CLEC4D: variants seen among roughly 807,000 people sequenced by gnomAD.
The protein encoded by CLEC4D is C-type lectin domain family 4 member D.
In CLEC4D, 21 loss-of-function variants were observed where a neutral mutation model predicts 21.1. That is an observed-to-expected ratio of 1.00 (90% confidence interval 0.71 to 1.43). The LOEUF (loss-of-function observed/expected upper bound fraction) is 1.43, where lower values mean the gene tolerates loss of function less well. CLEC4D is among the 40% of genes most tolerant of loss of function. The pLI is 0.00. For missense variants in CLEC4D, 289 were observed against 260.7 expected (o/e 1.11, Z -0.75); for synonymous variants, 85 against 83.1 (o/e 1.02, Z -0.12).
chr12:8,520,133 A>C (rs893715243), intron 4 of CLEC4D, 93 bp from the exon 5 acceptor site: 16 of 1,506,302 alleles, frequency 1.1e-5, no homozygotes, highest in Middle Eastern at 4.2e-4. Flanking sequence ...TTTGTGCTTA[A>C]CCAGTAATCT....
downstream of CLEC4D, among the ~76,000 whole-genome samples, chr12:8,522,900 C>A (rs1940477425): frequency 6.6e-6 from 1 of 152,148 alleles, no homozygotes; most frequent in South Asian, 2.1e-4. Context: ...AGCCCAGTTT[C>A]AGTTTTCTGC....
downstream of CLEC4D, among the ~76,000 whole-genome samples, chr12:8,524,864 C>T (rs1940495195): frequency 6.6e-6 from 1 of 152,138 alleles, no homozygotes; most frequent in Non-Finnish European, 1.5e-5. Context: ...CTTAATACTG[C>T]TTTAGCTGTG....
Position 8,521,248 on chromosome 12 carries a change from A to G in CLEC4D, c.625A>G (p.Ile209Val). The G allele has an allele frequency of 6.2e-7, 1 of 1,612,436 alleles. No homozygotes were observed. Among genetic ancestry groups the G allele is most frequent in the East Asian group, 2.2e-5 (1 of 44,812 alleles). Reference sequence around the variant, plus strand: ...CTTTGAAGCAAGTAGGATTTGTAAAATACCTGGAACAACATTGAACTAGAA... The same window carrying G: ...CTTTGAAGCAAGTAGGATTTGTAAAGTACCTGGAACAACATTGAACTAGAA... ...CNFEASRICK[I>V]PGTTLN The change falls in exon 6 of 6, where the codon ATA becomes GTA. Residue 209 changes from isoleucine (I) to valine (V), a missense_variant. Ile to Val is a conservative substitution (Grantham distance 29). Coordinates refer to ENST00000299665, the MANE Select transcript of CLEC4D (RefSeq NM_080387.5).
chr12:8,528,959 T>C, the CLEC4D span, among the ~76,000 whole-genome samples: 1 of 152,022 alleles, frequency 6.6e-6, no homozygotes, highest in Non-Finnish European at 1.5e-5. Flanking sequence ...TAAATATGAA[T>C]AGAAATATAA....
chr12:8,527,534 G>A, the CLEC4D span, among the ~76,000 whole-genome samples: 1 of 152,216 alleles, frequency 6.6e-6, no homozygotes, highest in Non-Finnish European at 1.5e-5. Flanking sequence ...AAGCTCTCCA[G>A]CCTCCCTGGC....
intron 4 of CLEC4D, 65 bp downstream of exon 4, chr12:8,519,225 T>G (rs1591720220): frequency 1.3e-6 from 2 of 1,567,956 alleles, no homozygotes; most frequent in East Asian, 4.6e-5. Context: ...AAAGAGGAAT[T>G]TCTCTGTCCT....
chr12:8,520,300 G>A lies in CLEC4D; in HGVS notation c.459G>A (p.Gln153=). Residue 153 remains glutamine (Q), a synonymous_variant, in exon 5 of 6, where the codon CAG becomes CAA. Coordinates refer to ENST00000299665, the MANE Select transcript of CLEC4D (RefSeq NM_080387.5). ...LGLRDENAKG[Q]WRWVDQTPFN... ...TTAGAGATGAGAATGCCAAAGGTCA[G>A]TGGCGTTGGGTGGACCAGACGCCAT... 2 of 1,614,004 alleles carry A rather than the reference G, an allele frequency of 1.2e-6. No individual in the cohort carries two copies. The highest frequency in any genetic ancestry group is 1.7e-6 in the Non-Finnish European group (2 of 1,179,900).
At chr12:8,525,352 C>T (rs189269052), downstream of CLEC4D, among the ~76,000 whole-genome samples, 669 of 152,276 alleles carry the variant, frequency 4.4e-3, 1 homozygote, top group Non-Finnish European at 7.5e-3. Flanking sequence ...TTGTAGGTCT[C>T]TAAGGACTTG....
chr12:8,528,553 T>C, the CLEC4D span, among the ~76,000 whole-genome samples: 1 of 152,210 alleles, frequency 6.6e-6, no homozygotes. Context: ...CATCACAATC[T>C]CTTCAAGACA....
At chr12:8,518,330 TCTGA>T in intron 3 of CLEC4D, 56 bp downstream of exon 3, 2 of 779,604 alleles carry the variant, frequency 2.6e-6, no homozygotes, top group Non-Finnish European at 4.5e-6. Flanking sequence ...AAATTCATAG[TCTGA>T]CTGAAGGAAT....
downstream of CLEC4D, among the ~76,000 whole-genome samples, chr12:8,524,949 G>A (rs1310233879): frequency 2.0e-5 from 3 of 151,948 alleles, 1 homozygote; most frequent in Non-Finnish European, 4.4e-5. Context: ...CCTTAATTTC[G>A]TTATTTACTC....
intron 1 of CLEC4D, among the ~76,000 whole-genome samples, chr12:8,514,390 A>G (rs1940348780): frequency 6.6e-6 from 1 of 152,118 alleles, no homozygotes; most frequent in Non-Finnish European, 1.5e-5. Flanking sequence ...AGGGACCATA[A>G]TTTAGAATTT....
the CLEC4D span, among the ~76,000 whole-genome samples, chr12:8,528,970 T>C: frequency 6.6e-6 from 1 of 152,038 alleles, no homozygotes; most frequent in Admixed American, 6.6e-5. Context: ...AGAAATATAA[T>C]CTACATATTC....
downstream of CLEC4D, among the ~76,000 whole-genome samples, chr12:8,525,774 C>T (rs1343712096): frequency 3.3e-5 from 5 of 152,156 alleles, no homozygotes; most frequent in Non-Finnish European, 5.9e-5. Flanking sequence ...GCAGTTTCTT[C>T]ATAGTGTCAT....
intron 5 of CLEC4D, 143 bp downstream of exon 5, chr12:8,520,484 T>C: frequency 7.4e-7 from 1 of 1,347,430 alleles, no homozygotes; most frequent in South Asian, 2.1e-5. Flanking sequence ...ATATGCTATG[T>C]CCCAGTTCCA....
chr12:8,527,750 G>A, the CLEC4D span, among the ~76,000 whole-genome samples: 1 of 152,340 alleles, frequency 6.6e-6, no homozygotes, highest in African/African-American at 2.4e-5. Context: ...GAGTTCAGTA[G>A]GCCTTGGCAC....
chr12:8,522,886 A>C (rs1940477292), downstream of CLEC4D, among the ~76,000 whole-genome samples: 1 of 152,136 alleles, frequency 6.6e-6, no homozygotes, highest in Admixed American at 6.5e-5. Context: ...AGGTGTAAGG[A>C]AAGAGCCCAG....
intron 4 of CLEC4D, 116 bp from the exon 5 acceptor site, chr12:8,520,110 T>G (rs1295149872): frequency 1.4e-6 from 2 of 1,439,486 alleles, no homozygotes; most frequent in Non-Finnish European, 1.8e-6. Flanking sequence ...CAGATCTATC[T>G]GATGCCAGAG....
chr12:8,521,914 A>C lies in CLEC4D; in HGVS notation c.*643A>C, dbSNP rs1940464550. On this transcript the variant is annotated 3_prime_UTR_variant, in exon 6 of 6. Coordinates refer to ENST00000299665, the MANE Select transcript of CLEC4D (RefSeq NM_080387.5). ...CCCAACACGTTTTTGCAAAGCAAGA[A>C]GTCTTTGTAAGACACCTTAAACAAA... 2 of 152,172 alleles carry C rather than the reference A, an allele frequency of 1.3e-5. No individual in the cohort carries two copies. Among genetic ancestry groups the C allele is most frequent in the South Asian group, 4.1e-4 (2 of 4,834 alleles). The allele number at this position is 152,172 out of a possible 1,614,324, so 9.4% of individuals were successfully genotyped here.
Sources: allele counts gnomAD v4.1 joint callset (sites outside exome capture counted in the v4.1 genomes callset), GRCh38; gene constraint gnomAD v4.1.1; transcripts MANE v1.5; gene names NCBI Gene and HGNC (gene_info 2026-07-23, HGNC 2026-07-21).